CA10: variants seen among roughly 807,000 people sequenced by gnomAD.
The protein encoded by CA10 is carbonic anhydrase-related protein 10.
A neutral mutation model predicts 44.2 loss-of-function variants in CA10; 14 were observed. That is an observed-to-expected ratio of 0.32 (90% CI 0.21 to 0.50). CA10 has a LOEUF of 0.50. CA10 is among the 20% of genes least tolerant of loss of function. The probability of loss-of-function intolerance (pLI) is 0.99; values close to 1 mark genes in which losing one functional copy is unlikely to be tolerated. For missense variants in CA10, 350 were observed against 409.7 expected (o/e 0.85, Z 1.26); for synonymous variants, 159 against 141.6 (o/e 1.12, Z -0.87).
intron 3 of CA10, among the ~76,000 whole-genome samples, chr17:51,902,046 T>A (rs1053977202): frequency 1.3e-5 from 2 of 152,156 alleles, no homozygotes. Flanking sequence ...ATGTGTAGTT[T>A]TTCCTTTCAT....
At chr17:51,687,840 T>C (rs1915056860) in intron 4 of CA10, among the ~76,000 whole-genome samples, 1 of 152,236 alleles carries the variant, frequency 6.6e-6, no homozygotes, top group South Asian at 2.1e-4. Flanking sequence ...TTTCTAGTTT[T>C]CTAAAAAAGT....
intron 3 of CA10, among the ~76,000 whole-genome samples, chr17:51,921,276 G>A (rs1022856669): frequency 2.0e-5 from 3 of 152,098 alleles, no homozygotes; most frequent in Non-Finnish European, 2.9e-5. Context: ...ACCCCTCAGT[G>A]CCCATCAGAA....
chr17:52,125,312 G>A (rs1290964866), intron 1 of CA10, among the ~76,000 whole-genome samples: 1 of 152,160 alleles, frequency 6.6e-6, no homozygotes, highest in African/African-American at 2.4e-5. Flanking sequence ...TTACTTAAGG[G>A]TGTATATCCA....
chr17:51,665,390 C>T (rs529199215), intron 4 of CA10, among the ~76,000 whole-genome samples: 5 of 152,122 alleles, frequency 3.3e-5, no homozygotes, highest in African/African-American at 1.2e-4. Flanking sequence ...TGAGTCACTG[C>T]TCCCTTTTAG....
At chr17:52,129,508 A>G (rs1353195463) in intron 1 of CA10, among the ~76,000 whole-genome samples, 1 of 152,192 alleles carries the variant, frequency 6.6e-6, no homozygotes, top group Non-Finnish European at 1.5e-5. Flanking sequence ...TTAAGATCAC[A>G]TGGATATACT....
At chr17:52,102,735 C>T (rs1281628443) in intron 1 of CA10, among the ~76,000 whole-genome samples, 2 of 152,126 alleles carry the variant, frequency 1.3e-5, no homozygotes, top group East Asian at 1.9e-4. Flanking sequence ...ACTGTTTGCC[C>T]GAATAAACTC....
chr17:51,956,868 C>T (rs1225186777), intron 2 of CA10, among the ~76,000 whole-genome samples: 1 of 152,062 alleles, frequency 6.6e-6, no homozygotes, highest in Admixed American at 6.6e-5. Context: ...GGGAACTACA[C>T]ATGCTACAGG....
chr17:51,694,144 C>G (rs1334055045), intron 4 of CA10, among the ~76,000 whole-genome samples: 1 of 151,150 alleles, frequency 6.6e-6, no homozygotes, highest in Non-Finnish European at 1.5e-5. Context: ...GCAGAGGTTG[C>G]AGTGAGCTGA....
chr17:51,784,864 C>T (rs1906201866), intron 3 of CA10, among the ~76,000 whole-genome samples: 1 of 151,936 alleles, frequency 6.6e-6, no homozygotes, highest in Admixed American at 6.6e-5. Context: ...AATACTAGGT[C>T]TTATTCTTTC....
intron 3 of CA10, among the ~76,000 whole-genome samples, chr17:51,779,863 T>C (rs1905978109): frequency 6.6e-6 from 1 of 152,148 alleles, no homozygotes; most frequent in Non-Finnish European, 1.5e-5. Flanking sequence ...GCTGGAAACT[T>C]GGGGCTGGGA....
At chr17:51,722,255 G>A (rs886607138) in intron 4 of CA10, among the ~76,000 whole-genome samples, 3 of 152,008 alleles carry the variant, frequency 2.0e-5, no homozygotes, top group African/African-American at 7.3e-5. Context: ...TGCACCGAGA[G>A]TGACTAGAAG....
chr17:51,699,897 T>C (rs1185365099), intron 4 of CA10, among the ~76,000 whole-genome samples: 1 of 152,224 alleles, frequency 6.6e-6, no homozygotes, highest in Admixed American at 6.5e-5. Context: ...TAGTATTAAT[T>C]ATGATCTCTT....
chr17:52,108,561 G>A (rs555896372), intron 1 of CA10, among the ~76,000 whole-genome samples: 4 of 151,892 alleles, frequency 2.6e-5, no homozygotes, highest in Admixed American at 1.3e-4. Flanking sequence ...TTAGCTGGGC[G>A]TGGTGGTGTG....
chr17:51,989,590 G>T (rs1017239074), intron 2 of CA10, among the ~76,000 whole-genome samples: 11 of 152,064 alleles, frequency 7.2e-5, no homozygotes, highest in Middle Eastern at 3.4e-3. Flanking sequence ...AAGAAAATGT[G>T]GTACCTATAA....
chr17:51,853,417 G>C (rs1290515689), intron 3 of CA10, among the ~76,000 whole-genome samples: 1 of 152,192 alleles, frequency 6.6e-6, no homozygotes, highest in African/African-American at 2.4e-5. Context: ...CCATGTGCAG[G>C]GAGTTCTGGG....
chr17:51,773,454 T>C (rs894639655), intron 3 of CA10, among the ~76,000 whole-genome samples: 10 of 152,212 alleles, frequency 6.6e-5, no homozygotes, highest in African/African-American at 2.4e-4. Context: ...AGACATTCAG[T>C]AGGAAGACAC....
At chr17:51,899,435 A>T (rs939331551) in intron 3 of CA10, among the ~76,000 whole-genome samples, 15 of 151,922 alleles carry the variant, frequency 9.9e-5, no homozygotes, top group African/African-American at 3.4e-4. Context: ...GGTAACATAT[A>T]TTTTTTTGAA....
At chr17:51,679,167 T>C (rs1405142896) in intron 4 of CA10, among the ~76,000 whole-genome samples, 1 of 152,150 alleles carries the variant, frequency 6.6e-6, no homozygotes, top group Non-Finnish European at 1.5e-5. Flanking sequence ...ATGAATCCTT[T>C]GGCAATCTTG....
At chr17:51,921,437 A>C (rs1349526155) in intron 3 of CA10, among the ~76,000 whole-genome samples, 1 of 152,220 alleles carries the variant, frequency 6.6e-6, no homozygotes, top group Non-Finnish European at 1.5e-5. Flanking sequence ...GAAAAGGTAC[A>C]TTTAAAATCA....
Sources: allele counts gnomAD v4.1 joint callset (sites outside exome capture counted in the v4.1 genomes callset), GRCh38; gene constraint gnomAD v4.1.1; transcripts MANE v1.5; gene names NCBI Gene and HGNC (gene_info 2026-07-23, HGNC 2026-07-21).